The following GGT7 variants were observed in gnomAD, a reference collection of about 807,000 sequenced individuals.
GGT7 encodes glutathione hydrolase 7.
Under a neutral mutation model 69.2 loss-of-function variants are expected in GGT7, and 30 were observed. The ratio of observed to expected loss-of-function variants is 0.43; its 90% confidence interval spans 0.32 to 0.59. GGT7 has a LOEUF of 0.59. Among genes scored for constraint, GGT7 ranks in the 20% least tolerant of loss-of-function variants. The pLI is 0.05. For missense variants in GGT7, 733 were observed against 901.1 expected (o/e 0.81, Z 2.39); for synonymous variants, 388 against 391.8 (o/e 0.99, Z 0.12).
Position 34,845,126 on chromosome 20 carries a change from A to ACCCCCCCCCCCCCCCCCCCC in GGT7, c.*201_*202insGGGGGGGGGGGGGGGGGGGG. ...GATGCTGACACTCACCACCACCACC[A>ACCCCCCCCCCCCCCCCCCCC]CCACCACCACCACCACCACCACCAC... On this transcript the variant is annotated 3_prime_UTR_variant, in exon 15 of 15. Coordinates refer to ENST00000336431, the MANE Select transcript of GGT7 (RefSeq NM_178026.3). The ACCCCCCCCCCCCCCCCCCCC allele has an allele frequency of 2.8e-6, 1 of 359,886 alleles. No homozygotes were observed. Among genetic ancestry groups the ACCCCCCCCCCCCCCCCCCCC allele is most frequent in the Non-Finnish European group, 5.3e-6 (1 of 190,246 alleles). The allele number at this position is 359,886 out of a possible 1,614,324, so 22.3% of individuals were successfully genotyped here.
At position 34,863,725 on chromosome 20, in the gene GGT7, G is replaced by GC. The variant is rs1240947070; in HGVS notation, c.170-178dup. 2 of 717,820 alleles carry GC rather than the reference G, an allele frequency of 2.8e-6. No homozygotes were observed. The highest frequency in any genetic ancestry group is 5.4e-5 in the East Asian group (2 of 37,222). The allele number at this position is 717,820 out of a possible 1,614,324, so 44.5% of individuals were successfully genotyped here. ...ACCCCAGGACAGGCGGGGCAACGGT[G>GC]CCCGGCTAGGAAGAGACAGGGACCT... On this transcript the variant is annotated intron_variant, in intron 1 of 14. Coordinates refer to ENST00000336431, the MANE Select transcript of GGT7 (RefSeq NM_178026.3). The surrounding 1 kb of genome is among the most constrained non-coding windows in gnomAD (Gnocchi z 4.4).
intron 7 of GGT7, among the ~76,000 whole-genome samples, chr20:34,858,427 T>C (rs1334888424): frequency 2.6e-5 from 4 of 152,182 alleles, no homozygotes; most frequent in African/African-American, 9.7e-5. Flanking sequence ...GTGCCCAGCA[T>C]AGGGCTTGGC....
intron 3 of GGT7, among the ~76,000 whole-genome samples, chr20:34,862,244 C>T (rs1191464541): frequency 6.6e-6 from 1 of 152,130 alleles, no homozygotes; most frequent in African/African-American, 2.4e-5. Flanking sequence ...AATGCGGGCC[C>T]AAGTTGTTAT....
Position 34,859,423 on chromosome 20 carries a change from C to T in GGT7, c.1014+20G>A, listed in dbSNP as rs1371078139. On this transcript the variant is annotated intron_variant, in intron 7 of 14. Coordinates refer to ENST00000336431, the MANE Select transcript of GGT7 (RefSeq NM_178026.3). ...AGGGACCTTGGGGCATGCCCCCACC[C>T]GCACAACACGAGCACTTACCTCGGC... 4 of 1,550,558 alleles carry T rather than the reference C, an allele frequency of 2.6e-6. No individual in the cohort carries two copies. The highest frequency in any genetic ancestry group is 4.6e-5 in the East Asian group (2 of 43,804).
intron 7 of GGT7, among the ~76,000 whole-genome samples, chr20:34,859,236 C>G (rs1011254209): frequency 6.6e-6 from 1 of 151,828 alleles, no homozygotes; most frequent in African/African-American, 2.4e-5. Context: ...TCCCAGTCAG[C>G]TCCTCCCAGC....
In GGT7 at chr20:34,863,723, G is replaced by C. The variant is rs1017237989; in HGVS notation, c.170-175C>G. ...GCACCCCAGGACAGGCGGGGCAACG[G>C]TGCCCGGCTAGGAAGAGACAGGGAC... is the stretch of plus-strand genomic sequence containing the variant. On this transcript the variant is annotated intron_variant, in intron 1 of 14. Coordinates refer to ENST00000336431, the MANE Select transcript of GGT7 (RefSeq NM_178026.3). This position sits in a 1 kb window ranked among gnomAD's most constrained non-coding sequence, Gnocchi z 4.4. 4.2e-6 allele frequency: 3 copies of C among 718,438 alleles called. No individual in the cohort carries two copies. Among genetic ancestry groups the C allele is most frequent in the Non-Finnish European group, 5.2e-6 (2 of 387,148 alleles). 44.5% of individuals were successfully genotyped at this position (718,438 alleles called of 1,614,324 possible). A position where few individuals can be genotyped will look rare whatever the true frequency, so the allele number is the denominator to read the frequency against.
In GGT7 at chr20:34,852,443, G is replaced by A. The variant is rs201017577; in HGVS notation, c.1415C>T (p.Thr472Met). 2.0e-5 allele frequency: 33 copies of A among 1,613,976 alleles called. No individual in the cohort carries two copies. In the Admixed American group the frequency reaches 2.5e-4, roughly 12 times the overall value. Residue 472 changes from threonine to methionine, a missense_variant, in exon 11 of 15, where the codon ACG becomes ATG. By Grantham distance (81) the Thr-to-Met change is moderately conservative (BLOSUM62 -1). Transcript: ENST00000336431. ...TCCCATGATCAGCACCTGGGCAGCCGTGGGAGCTCCGTCTAGTTCATAGAC... is the reference window on the plus strand; with the variant it reads ...TCCCATGATCAGCACCTGGGCAGCCATGGGAGCTCCGTCTAGTTCATAGAC... ...LPVYELDGAP[T>M]AAQVLIMGPD...
Position 34,852,183 on chromosome 20 carries a change from C to G in GGT7, c.1559G>C (p.Arg520Pro), listed in dbSNP as rs772658673. The part of the protein sequence containing the change: ...SQMLDFSWPN[R>P]TANHSAPSLE... ...GCTGGGTGCAGAGTGGTTAGCTGTCCGGTTGGGCCAGGAGAAGTCCAGCAT... is the reference window on the plus strand; with the variant it reads ...GCTGGGTGCAGAGTGGTTAGCTGTCGGGTTGGGCCAGGAGAAGTCCAGCAT... The change falls in exon 12 of 15, where the codon CGG becomes CCG. Residue 520 changes from arginine to proline, a missense_variant. Coordinates refer to ENST00000336431, the MANE Select transcript of GGT7 (RefSeq NM_178026.3). The G allele has an allele frequency of 1.2e-6, 2 of 1,612,874 alleles. No individual in the cohort carries two copies. The highest frequency in any genetic ancestry group is 1.7e-6 in the Non-Finnish European group (2 of 1,178,872).
chr20:34,866,149 AATG>A (rs2079686617), intron 1 of GGT7, among the ~76,000 whole-genome samples: 1 of 152,232 alleles, frequency 6.6e-6, no homozygotes, highest in South Asian at 2.1e-4. Context: ...ATATAGATAA[AATG>A]ATGATATATG....
chr20:34,863,372 T>C lies in GGT7; in HGVS notation c.346A>G (p.Thr116Ala), dbSNP rs2079631911. The C allele has an allele frequency of 1.2e-6, 2 of 1,612,026 alleles. No homozygotes were observed. Among genetic ancestry groups the C allele is most frequent in the Non-Finnish European group, 1.7e-6 (2 of 1,179,126 alleles). ...GCCACGGTGACACCGGTAGCGAAGG[T>C]GAGACAGGCCGTGACGATGACCGTG... ...GLTVIVTACL[T>A]FATGVTVALV... Residue 116 changes from threonine (T) to alanine (A), a missense_variant, in exon 2 of 15, where the codon ACC becomes GCC. Coordinates refer to ENST00000336431, the MANE Select transcript of GGT7 (RefSeq NM_178026.3). The surrounding 1 kb of genome is among the most constrained non-coding windows in gnomAD (Gnocchi z 4.4).
At chr20:34,859,712 G>T in intron 6 of GGT7, 73 bp from the exon 7 acceptor site, 1 of 1,250,016 alleles carries the variant, frequency 8.0e-7, no homozygotes, top group Non-Finnish European at 1.1e-6. Context: ...CAATAGATGG[G>T]GTAGATGGGG....
At chr20:34,859,237 T>A (rs2079542597) in intron 7 of GGT7, among the ~76,000 whole-genome samples, 1 of 150,690 alleles carries the variant, frequency 6.6e-6, no homozygotes, top group East Asian at 2.0e-4. Flanking sequence ...CCCAGTCAGC[T>A]CCTCCCAGCC....
In GGT7 at chr20:34,862,834, T is replaced by A. The variant is rs1430949610; in HGVS notation, c.537A>T (p.Pro179=). The A allele has an allele frequency of 1.2e-6, 2 of 1,613,928 alleles. No individual in the cohort carries two copies. The highest frequency in any genetic ancestry group is 1.7e-6 in the Non-Finnish European group (2 of 1,180,000). Residue 179 remains proline (P), a synonymous_variant, in exon 3 of 15, where the codon CCA becomes CCT. Transcript: ENST00000336431. ...AAALCLGIVA[P]HSSGLGGGGV... ...CTTACCCGCCCAGGCCAGAACTGTGTGGAGCCACGATACCCAAACACAAGG... is the reference window on the plus strand; with the variant it reads ...CTTACCCGCCCAGGCCAGAACTGTGAGGAGCCACGATACCCAAACACAAGG...
At position 34,852,163 on chromosome 20, in the gene GGT7, G is replaced by A. The variant is rs1190129014; in HGVS notation, c.1579C>T (p.Pro527Ser). ...WPNRTANHSA[P>S]SLENSVQPGK... ...AGGGAAGCAAATCCTACCAGGCTGG[G>A]TGCAGAGTGGTTAGCTGTCCGGTTG... Residue 527 changes from proline to serine, a missense_variant, in exon 12 of 15, where the codon CCC becomes TCC. By Grantham distance (74) the Pro-to-Ser change is moderately conservative. Coordinates refer to ENST00000336431, the MANE Select transcript of GGT7 (RefSeq NM_178026.3). The A allele has an allele frequency of 6.2e-7, 1 of 1,603,412 alleles. No individual in the cohort carries two copies. The highest frequency in any genetic ancestry group is 2.2e-5 in the East Asian group (1 of 44,840).
rs757240415 is a variant in GGT7 at position 34,851,310 on chromosome 20, C to T, written c.1646G>A (p.Arg549Gln). 23 of 1,613,950 alleles carry T rather than the reference C, an allele frequency of 1.4e-5. No homozygotes were observed. Among genetic ancestry groups the T allele is most frequent in the South Asian group, 9.9e-5 (9 of 91,078 alleles). The change falls in exon 13 of 15, where the codon CGA becomes CAA. Residue 549 changes from arginine (R) to glutamine (Q), a missense_variant. By Grantham distance (43) the Arg-to-Gln change is conservative. Coordinates refer to ENST00000336431, the MANE Select transcript of GGT7 (RefSeq NM_178026.3). ...PLSFLLPTVV[R>Q]PAEGLCGTYL... ...GGTTCCACAGAGCCCCTCCGCGGGT[C>T]GGACCACTGTGGGCAGCAGGAAAGA...
At chr20:34,850,920 G>A (rs755241733) in intron 13 of GGT7, 2 of 652,646 alleles carry the variant, frequency 3.1e-6, no homozygotes, top group Non-Finnish European at 5.7e-6. Context: ...TTCAGATGCT[G>A]GGTAGAGGTA....
chr20:34,852,183 C>T lies in GGT7; in HGVS notation c.1559G>A (p.Arg520Gln), dbSNP rs772658673. The change falls in exon 12 of 15, where the codon CGG becomes CAG. Residue 520 changes from arginine (R) to glutamine (Q), a missense_variant. Arg to Gln is a conservative substitution (Grantham distance 43). Coordinates refer to ENST00000336431, the MANE Select transcript of GGT7 (RefSeq NM_178026.3). ...SQMLDFSWPN[R>Q]TANHSAPSLE... is the part of the protein sequence containing the mutation. ...GCTGGGTGCAGAGTGGTTAGCTGTC[C>T]GGTTGGGCCAGGAGAAGTCCAGCAT... 39 of 1,612,872 alleles carry T rather than the reference C, an allele frequency of 2.4e-5. No individual in the cohort carries two copies. Among genetic ancestry groups the T allele is most frequent in the East Asian group, 6.7e-5 (3 of 44,870 alleles).
At chr20:34,862,383 G>A (rs1226119030) in intron 3 of GGT7, among the ~76,000 whole-genome samples, 2 of 152,286 alleles carry the variant, frequency 1.3e-5, no homozygotes, top group Admixed American at 1.3e-4. Context: ...TGTGCTGGGT[G>A]TTGCCCATGG....
At chr20:34,871,025 C>T (rs2079769155) in intron 1 of GGT7, among the ~76,000 whole-genome samples, 1 of 152,198 alleles carries the variant, frequency 6.6e-6, no homozygotes, top group Admixed American at 6.5e-5. Flanking sequence ...CTCCTGACCT[C>T]AAGTGATCCA....
Sources: allele counts gnomAD v4.1 joint callset (sites outside exome capture counted in the v4.1 genomes callset), GRCh38; gene constraint gnomAD v4.1.1; non-coding constraint Gnocchi (gnomAD v3.1); transcripts MANE v1.5; gene names NCBI Gene and HGNC (gene_info 2026-07-23, HGNC 2026-07-21).